Variants in ANKS1B observed in about 807,000 individuals in gnomAD.
The protein encoded by ANKS1B is ankyrin repeat and sterile alpha motif domain containing 1B, also known as ankyrin repeat and sterile alpha motif domain-containing protein 1B.
Under a neutral mutation model 148.3 loss-of-function variants are expected in ANKS1B, and 36 were observed. The ratio of observed to expected loss-of-function variants is 0.24; its 90% CI spans 0.19 to 0.32. The LOEUF is 0.32. Ranked by LOEUF, ANKS1B falls within the 10% of genes least tolerant of loss-of-function variation. ANKS1B has a pLI of 1.00. For missense variants in ANKS1B, 1,157 were observed against 1,542.6 expected (o/e 0.75, Z 4.19); for synonymous variants, 542 against 560.8 (o/e 0.97, Z 0.47).
chr12:99,115,662 G>C (rs919117713), intron 15 of ANKS1B, among the ~76,000 whole-genome samples: 1 of 152,124 alleles, frequency 6.6e-6, no homozygotes, highest in Non-Finnish European at 1.5e-5. Context: ...TGGGTGCAGT[G>C]GCTCACACCT....
intron 4 of ANKS1B, among the ~76,000 whole-genome samples, chr12:99,790,024 C>A (rs959608788): frequency 6.6e-6 from 1 of 151,956 alleles, no homozygotes; most frequent in Non-Finnish European, 1.5e-5. Flanking sequence ...TTATAGAGCA[C>A]CAAGCAGATG....
chr12:98,868,830 G>A (rs1265262880), intron 17 of ANKS1B, among the ~76,000 whole-genome samples: 1 of 152,236 alleles, frequency 6.6e-6, no homozygotes, highest in Admixed American at 6.5e-5. Context: ...ATAAAGGGTA[G>A]GGTGGGGGAC....
At chr12:99,672,202 T>C (rs1405458720) in intron 8 of ANKS1B, among the ~76,000 whole-genome samples, 1 of 152,050 alleles carries the variant, frequency 6.6e-6, no homozygotes, top group East Asian at 1.9e-4. Context: ...AAGTCTTCTG[T>C]CTGAGATAAT....
intron 10 of ANKS1B, among the ~76,000 whole-genome samples, chr12:99,446,959 T>C (rs1183514026): frequency 6.6e-6 from 1 of 152,092 alleles, no homozygotes; most frequent in Non-Finnish European, 1.5e-5. Flanking sequence ...TGTGTTGAAA[T>C]GTCCAGAACT....
chr12:99,458,304 T>A (rs1212006763), intron 10 of ANKS1B, among the ~76,000 whole-genome samples: 2 of 151,908 alleles, frequency 1.3e-5, no homozygotes, highest in South Asian at 4.1e-4. Context: ...TAGCATCAAA[T>A]GTCTACTTCA....
chr12:99,750,344 A>C (rs1331473170), intron 8 of ANKS1B, among the ~76,000 whole-genome samples: 1 of 152,070 alleles, frequency 6.6e-6, no homozygotes, highest in African/African-American at 2.4e-5. Context: ...TAAAGGTCTA[A>C]TTGTTGCTAT....
At chr12:98,974,509 T>C (rs760105993) in intron 17 of ANKS1B, among the ~76,000 whole-genome samples, 24 of 152,288 alleles carry the variant, frequency 1.6e-4, no homozygotes, top group Non-Finnish European at 2.6e-4. Flanking sequence ...CCCAACCTAG[T>C]GTAGAAACTT....
At chr12:99,375,085 G>T (rs1455586586) in intron 12 of ANKS1B, among the ~76,000 whole-genome samples, 1 of 152,204 alleles carries the variant, frequency 6.6e-6, no homozygotes, top group East Asian at 1.9e-4. Flanking sequence ...GCTACTTGGT[G>T]AACAGAGTTG....
chr12:98,936,877 T>G (rs1158374080), intron 17 of ANKS1B, among the ~76,000 whole-genome samples: 1 of 152,212 alleles, frequency 6.6e-6, no homozygotes, highest in Non-Finnish European at 1.5e-5. Context: ...GGAATTGTGA[T>G]AAGGAGTATA....
chr12:99,585,759 T>G (rs772342460), intron 9 of ANKS1B, among the ~76,000 whole-genome samples: 13 of 152,194 alleles, frequency 8.5e-5, no homozygotes, highest in Non-Finnish European at 1.5e-4. Context: ...TGCCAATGCT[T>G]GGGGCTTGCA....
chr12:99,391,625 A>T (rs1262353176), intron 12 of ANKS1B, among the ~76,000 whole-genome samples: 1 of 152,234 alleles, frequency 6.6e-6, no homozygotes, highest in Non-Finnish European at 1.5e-5. Context: ...GTAAGCCAAT[A>T]GTATTATATC....
At chr12:98,926,785 T>A (rs911144293) in intron 17 of ANKS1B, among the ~76,000 whole-genome samples, 3 of 151,388 alleles carry the variant, frequency 2.0e-5, no homozygotes, top group African/African-American at 7.3e-5. Context: ...GAAGAAAGAA[T>A]AAGCAAACTT....
chr12:99,841,086 CCTAACTACT>C (rs1205560902), intron 1 of ANKS1B, among the ~76,000 whole-genome samples: 3 of 152,096 alleles, frequency 2.0e-5, no homozygotes, highest in Non-Finnish European at 1.5e-5. Flanking sequence ...GGGAAAATTA[CCTAACTACT>C]CCGTGCCTCA....
chr12:99,120,377 C>A (rs1441759429), intron 15 of ANKS1B, among the ~76,000 whole-genome samples: 1 of 152,168 alleles, frequency 6.6e-6, no homozygotes, highest in African/African-American at 2.4e-5. Context: ...ACTACACATG[C>A]CATTATTTCA....
chr12:99,600,027 A>T (rs1472164921), intron 9 of ANKS1B, among the ~76,000 whole-genome samples: 3 of 152,014 alleles, frequency 2.0e-5, no homozygotes. Context: ...TTATGCTGCC[A>T]TGAATGTTTC....
chr12:99,242,142 C>A (rs1463594748), intron 14 of ANKS1B, among the ~76,000 whole-genome samples: 3 of 152,116 alleles, frequency 2.0e-5, no homozygotes, highest in Admixed American at 2.0e-4. Context: ...ATTTAGAAAA[C>A]CCAATCATTT....
chr12:99,637,495 A>G (rs954120666), intron 9 of ANKS1B, among the ~76,000 whole-genome samples: 1 of 152,102 alleles, frequency 6.6e-6, no homozygotes, highest in Non-Finnish European at 1.5e-5. Context: ...AAAGGAGATT[A>G]ACATTTGAGT....
chr12:99,289,028 T>C (rs1472362247), intron 12 of ANKS1B, among the ~76,000 whole-genome samples: 2 of 151,792 alleles, frequency 1.3e-5, no homozygotes, highest in African/African-American at 4.8e-5. Context: ...TATAAAAACA[T>C]TTCACCTATA....
At chr12:99,082,246 A>T (rs1231026981) in intron 16 of ANKS1B, among the ~76,000 whole-genome samples, 2 of 152,194 alleles carry the variant, frequency 1.3e-5, no homozygotes, top group Non-Finnish European at 2.9e-5. Context: ...ATAACTTCAG[A>T]TCACACTAAG....
Sources: gnomAD v4.1 joint callset for allele counts (sites outside exome capture counted in the v4.1 genomes callset) on GRCh38, gnomAD v4.1.1 for gene constraint, MANE v1.5 for transcripts, NCBI Gene and HGNC (gene_info 2026-07-23, HGNC 2026-07-21) for gene names.